DLGAP2: variants seen among roughly 807,000 people sequenced by gnomAD.
DLGAP2 encodes the protein disks large-associated protein 2.
In DLGAP2, 26 loss-of-function variants were observed where a neutral mutation model predicts 100.3. The observed-to-expected ratio is 0.26, with a 90% CI of 0.19 to 0.36. DLGAP2 has a LOEUF of 0.36. DLGAP2 is among the 10% of genes least tolerant of loss of function. DLGAP2 has a pLI of 1.00. For missense variants in DLGAP2, 1,858 were observed against 1,453.2 expected (o/e 1.28, Z -4.53); for synonymous variants, 886 against 630.1 (o/e 1.41, Z -6.08).
intron 1 of DLGAP2, among the ~76,000 whole-genome samples, chr8:867,343 C>A (rs1034136724): frequency 1.3e-5 from 2 of 152,172 alleles, no homozygotes; most frequent in African/African-American, 4.8e-5. Context: ...TTTTAATTAG[C>A]AAAAATAAAC....
chr8:1,287,158 GCGCGCGCGCGCGTGGTTCT>G (rs1799941381), intron 3 of DLGAP2, among the ~76,000 whole-genome samples: 2 of 75,074 alleles, frequency 2.7e-5, no homozygotes, highest in African/African-American at 4.4e-5. Flanking sequence ...GTGTGTGTGT[GCGCGCGCGCGCGTGGTTCT>G]GTTAGGAGGG....
intron 8 of DLGAP2, among the ~76,000 whole-genome samples, chr8:1,649,246 C>T (rs1325208160): frequency 6.6e-6 from 1 of 151,156 alleles, no homozygotes; most frequent in East Asian, 1.9e-4. Flanking sequence ...TTCAAAGCTA[C>T]CAGAACACTC....
chr8:1,039,154 A>ATGCGTGGTCAGCTCAGTG lies in DLGAP2; in HGVS notation c.73+131202_73+131203insAGTGTGCGTGGTCAGCTC, dbSNP rs1554471305. 5.4e-5 allele frequency among the ~76,000 whole-genome samples: 8 copies of ATGCGTGGTCAGCTCAGTG among 148,800 alleles called. No homozygotes were observed. In the East Asian group the frequency reaches 1.4e-3, roughly 26 times the overall value. On this transcript the variant is annotated intron_variant, in intron 2 of 14. Coordinates refer to ENST00000637795, the MANE Select transcript of DLGAP2 (RefSeq NM_001346810.2). ...CTCATAGGAAGTGACCCATGTGGAAATGCGTGGTCAGCTCGGTGTGCGTGG... is the reference window on the plus strand; with the variant it reads ...CTCATAGGAAGTGACCCATGTGGAAATGCGTGGTCAGCTCAGTGTGCGTGGTCAGCTCGGTGTGCGTGG...
At chr8:1,697,454 G>A (rs1475677524) in intron 14 of DLGAP2, among the ~76,000 whole-genome samples, 155 bp downstream of exon 14, 7 of 152,108 alleles carry the variant, frequency 4.6e-5, no homozygotes, top group African/African-American at 1.2e-4. Context: ...ATGTGTATAC[G>A]CACATGTGTG....
chr8:1,219,454 A>G (rs11775123), intron 2 of DLGAP2, among the ~76,000 whole-genome samples: 38,509 of 151,956 alleles, frequency 0.25, 7,055 homozygotes, highest in African/African-American at 0.52. Context: ...TGCATCCAGG[A>G]ATCAATATTG....
chr8:1,194,933 T>C (rs903785596), intron 2 of DLGAP2, among the ~76,000 whole-genome samples: 7 of 152,228 alleles, frequency 4.6e-5, no homozygotes, highest in Non-Finnish European at 8.8e-5. Context: ...AGTTGTCAAC[T>C]ACCAACGGAC....
intron 2 of DLGAP2, among the ~76,000 whole-genome samples, chr8:1,118,327 A>G (rs1306022019): frequency 6.6e-6 from 1 of 152,154 alleles, no homozygotes; most frequent in East Asian, 1.9e-4. Context: ...GTGAGCAGAG[A>G]CTGAGAAACT....
At chr8:868,459 G>T (rs545560068) in intron 1 of DLGAP2, among the ~76,000 whole-genome samples, 16 of 152,304 alleles carry the variant, frequency 1.1e-4, no homozygotes, top group South Asian at 2.1e-4. Flanking sequence ...CTGTGAGAAG[G>T]TCCCTGGTTG....
At chr8:1,528,534 G>A (rs766322461) in intron 4 of DLGAP2, among the ~76,000 whole-genome samples, 50 of 152,256 alleles carry the variant, frequency 3.3e-4, no homozygotes, top group Non-Finnish European at 6.6e-4. Context: ...TAGATTCTCA[G>A]GGCCCACCCG....
intron 3 of DLGAP2, among the ~76,000 whole-genome samples, chr8:1,469,150 G>C (rs1385611842): frequency 6.6e-6 from 1 of 152,218 alleles, no homozygotes; most frequent in Non-Finnish European, 1.5e-5. Context: ...GTGAGCACCA[G>C]GCAGAGGCCT....
chr8:1,319,395 G>A (rs1430681991), intron 3 of DLGAP2, among the ~76,000 whole-genome samples: 1 of 152,168 alleles, frequency 6.6e-6, no homozygotes, highest in Non-Finnish European at 1.5e-5. Flanking sequence ...GAAACCTCCT[G>A]GCAGGATTCT....
chr8:892,352 G>C lies in DLGAP2; in HGVS notation c.19-15560G>C, dbSNP rs534746471. On this transcript the variant is annotated intron_variant, in intron 1 of 14. Transcript: ENST00000637795. ...TGAAGAGCGGCCCATCCACACAGCC[G>C]AACATGAGTCAGCCTCAAAGAGGAA... Among the ~76,000 whole-genome samples, 150 of 152,232 alleles carry C rather than the reference G, an allele frequency of 9.9e-4. 3 individuals are homozygous for C. The highest frequency in any genetic ancestry group is 3.6e-3 in the African/African-American group (149 of 41,534).
intron 1 of DLGAP2, among the ~76,000 whole-genome samples, chr8:787,185 A>T (rs1821889485): frequency 6.6e-6 from 1 of 152,136 alleles, no homozygotes; most frequent in South Asian, 2.1e-4. Flanking sequence ...ACCCAGCCTC[A>T]GCTGGTCCTT....
At chr8:1,698,872 C>T (rs1019619042) in intron 14 of DLGAP2, among the ~76,000 whole-genome samples, 1 of 151,820 alleles carries the variant, frequency 6.6e-6, no homozygotes, top group Non-Finnish European at 1.5e-5. Context: ...CTAGGCAGGT[C>T]TGCGTAAGCC....
chr8:1,204,292 C>T (rs1240285683), intron 2 of DLGAP2, among the ~76,000 whole-genome samples: 1 of 152,248 alleles, frequency 6.6e-6, no homozygotes, highest in African/African-American at 2.4e-5. Flanking sequence ...ATCTCATCAT[C>T]TTCTGAGATC....
At chr8:1,361,639 G>C (rs1801984126) in intron 3 of DLGAP2, among the ~76,000 whole-genome samples, 1 of 152,212 alleles carries the variant, frequency 6.6e-6, no homozygotes, top group African/African-American at 2.4e-5. Context: ...GAGCATGGGA[G>C]CCCCCCTGGG....
intron 2 of DLGAP2, among the ~76,000 whole-genome samples, chr8:1,258,568 T>C (rs562262910): frequency 2.6e-5 from 4 of 152,270 alleles, no homozygotes; most frequent in African/African-American, 9.6e-5. Context: ...CTGCACGTTC[T>C]GCACATGTAT....
chr8:1,192,394 A>G (rs1022141326), intron 2 of DLGAP2, among the ~76,000 whole-genome samples: 5 of 152,238 alleles, frequency 3.3e-5, no homozygotes, highest in Non-Finnish European at 7.3e-5. Flanking sequence ...CAGATGGATC[A>G]CCTCACTTTT....
intron 6 of DLGAP2, among the ~76,000 whole-genome samples, chr8:1,578,888 G>A (rs1437668691): frequency 2.6e-5 from 4 of 152,160 alleles, no homozygotes; most frequent in African/African-American, 4.8e-5. Context: ...TGATGGCCCC[G>A]TCTGTGGGTC....
Sources: allele counts gnomAD v4.1 joint callset (sites outside exome capture counted in the v4.1 genomes callset), GRCh38; gene constraint gnomAD v4.1.1; transcripts MANE v1.5; gene names NCBI Gene and HGNC (gene_info 2026-07-23, HGNC 2026-07-21).